The following MBP variants were observed in gnomAD, a reference collection of about 807,000 sequenced individuals.
The protein encoded by MBP is myelin basic protein.
Under a neutral mutation model 35.8 loss-of-function variants are expected in MBP, and 16 were observed. That is an observed-to-expected ratio of 0.45 (90% CI 0.30 to 0.68). The LOEUF is 0.68. Among genes scored for constraint, MBP ranks in the 30% least tolerant of loss-of-function variants. The pLI, the probability that MBP is intolerant of heterozygous loss-of-function variation, is 0.08. For synonymous variants in MBP, 143 were observed against 159.6 expected, an observed-to-expected ratio of 0.90 and a Z score of 0.78; for missense variants, 380 against 404.7, an observed-to-expected ratio of 0.94 and a Z score of 0.52.
chr18:77,024,127 C>A (rs1160100272), intron 3 of MBP, among the ~76,000 whole-genome samples: 2 of 152,254 alleles, frequency 1.3e-5, no homozygotes, highest in African/African-American at 4.8e-5. Context: ...TCAGCCTCTA[C>A]ACCCATGGTC....
At chr18:77,100,511 GTGTGT>G (rs1975957663) in intron 2 of MBP, among the ~76,000 whole-genome samples, 6 of 52,328 alleles carry the variant, frequency 1.1e-4, no homozygotes, top group East Asian at 1.9e-3. Context: ...AATTTGGGGT[GTGTGT>G]GTGTGTGTGT....
rs1388095396 is a variant in MBP at position 77,068,363 on chromosome 18, A to G, written c.52-1978T>C. 3.9e-5 allele frequency among the ~76,000 whole-genome samples: 6 copies of G among 152,160 alleles called. No homozygotes were observed. In the South Asian group the frequency reaches 1.2e-3, roughly 32 times the overall value. On this transcript the variant is annotated intron_variant, in intron 2 of 8. Transcript: ENST00000355994. Reference sequence around the variant, plus strand: ...CTTCTGAGCAATCAGGAGAGGTAACAGCCCAACTTCCAAGCAGGCCAGGTT... The same window carrying G: ...CTTCTGAGCAATCAGGAGAGGTAACGGCCCAACTTCCAAGCAGGCCAGGTT...
chr18:77,078,061 AGCCCCAGCAGCTGAAG>A (rs1004389773), intron 2 of MBP, among the ~76,000 whole-genome samples: 8 of 152,168 alleles, frequency 5.3e-5, no homozygotes, highest in Non-Finnish European at 8.8e-5. Flanking sequence ...CTTATCTCCC[AGCCCCAGCAGCTGAAG>A]GACAGTCACC....
At chr18:77,016,717 C>G (rs1971661991) in intron 4 of MBP, 115 bp downstream of exon 4, 2 of 1,489,142 alleles carry the variant, frequency 1.3e-6, no homozygotes, top group South Asian at 2.7e-5. Flanking sequence ...CGGAACGAGA[C>G]CTTAGACAGC....
At chr18:77,005,581 C>G (rs1419040257) in intron 4 of MBP, 1 of 152,282 alleles carries the variant, frequency 6.6e-6, no homozygotes, top group African/African-American at 2.4e-5. Context: ...GCTGCCCCAA[C>G]CATGGGGCTT....
rs1453865213 is a variant in MBP at position 77,044,714 on chromosome 18, GC to G, written c.139+21583del. On this transcript the variant is annotated intron_variant, in intron 3 of 8. Transcript: ENST00000355994. This position sits in a 1 kb window ranked among gnomAD's most constrained non-coding sequence, Gnocchi z 4.4. ...GAATAAACAAAGTCAGATCTGAAAT[GC>G]TTAAAAGCAAATTAAACTTAACTCA... is the stretch of plus-strand genomic sequence containing the variant. 6.6e-6 allele frequency among the ~76,000 whole-genome samples: 1 copy of G among 152,178 alleles called. No homozygotes were observed. Among genetic ancestry groups the G allele is most frequent in the Non-Finnish European group, 1.5e-5 (1 of 68,040 alleles).
chr18:77,033,417 T>G (rs1972613326), intron 3 of MBP, among the ~76,000 whole-genome samples: 2 of 152,198 alleles, frequency 1.3e-5, no homozygotes, highest in Non-Finnish European at 2.9e-5. Flanking sequence ...GCGCTTGCAG[T>G]GCATGTCATA....
At chr18:77,012,483 G>C (rs1483295114) in intron 4 of MBP, among the ~76,000 whole-genome samples, 1 of 152,256 alleles carries the variant, frequency 6.6e-6, no homozygotes, top group Non-Finnish European at 1.5e-5. Flanking sequence ...ACACCGAACT[G>C]TCAGGGGAGA....
At chr18:77,103,686 C>T (rs1976139345) in intron 2 of MBP, among the ~76,000 whole-genome samples, 1 of 152,214 alleles carries the variant, frequency 6.6e-6, no homozygotes, top group Admixed American at 6.5e-5. Context: ...GGCAGGCTTA[C>T]TCCTCACAGT....
At chr18:77,114,151 T>C (rs1976570841) in intron 1 of MBP, 1 of 152,266 alleles carries the variant, frequency 6.6e-6, no homozygotes, top group African/African-American at 2.4e-5. Flanking sequence ...GTCATCACCA[T>C]CCTTCGTTTT....
chr18:77,053,023 G>C (rs550689443), intron 3 of MBP, among the ~76,000 whole-genome samples: 2 of 152,316 alleles, frequency 1.3e-5, no homozygotes, highest in South Asian at 4.1e-4. Context: ...TGAAAAAGGG[G>C]AACTTTTAGT....
At position 77,131,060 on chromosome 18, in the gene MBP, AAC is replaced by A. The variant is rs371361297; in HGVS notation, c.-26+1518_-26+1519del. Reference sequence around the variant, plus strand: ...AAAAAAACAAAACCTCAAAAAACAAAACACACACACGCGCGCACGCACGCGCA... The same window carrying A: ...AAAAAAACAAAACCTCAAAAAACAAAACACACACGCGCGCACGCACGCGCA... On this transcript the variant is annotated intron_variant, in intron 1 of 8. Transcript: ENST00000355994. This position sits in a 1 kb window ranked among gnomAD's most constrained non-coding sequence, Gnocchi z 5.5. Among the ~76,000 whole-genome samples, 16 of 120,190 alleles carry A rather than the reference AAC, an allele frequency of 1.3e-4. No individual in the cohort carries two copies. The highest frequency in any genetic ancestry group is 4.7e-4 in the African/African-American group (12 of 25,448). The allele number at this position is 120,190 out of a possible 152,430, so 78.8% of individuals were successfully genotyped here. A position where few individuals can be genotyped will look rare whatever the true frequency, so the allele number is the denominator to read the frequency against.
intron 8 of MBP, 126 bp from the exon 9 acceptor site, chr18:76,980,597 T>C: frequency 1.4e-6 from 1 of 722,414 alleles, no homozygotes; most frequent in Non-Finnish European, 2.5e-6. Flanking sequence ...CTAATAGAAA[T>C]GGCACCCCGG....
At chr18:77,030,302 A>G (rs1827530157) in intron 3 of MBP, among the ~76,000 whole-genome samples, 1 of 152,210 alleles carries the variant, frequency 6.6e-6, no homozygotes, top group Non-Finnish European at 1.5e-5. Context: ...AAGGAGACCC[A>G]AGAGCCCATG....
intron 4 of MBP, chr18:77,006,264 G>A (rs1183730346): frequency 6.6e-6 from 1 of 152,402 alleles, no homozygotes; most frequent in East Asian, 1.9e-4. Flanking sequence ...AGGCAGAAAG[G>A]ACGTCCGAGG....
chr18:77,068,124 T>G (rs1974280138), intron 2 of MBP, among the ~76,000 whole-genome samples: 1 of 152,114 alleles, frequency 6.6e-6, no homozygotes, highest in South Asian at 2.1e-4. Context: ...GTTTACGGCA[T>G]TGTTTCTACA....
chr18:77,092,706 A>C (rs887601053), intron 2 of MBP, among the ~76,000 whole-genome samples: 1 of 152,180 alleles, frequency 6.6e-6, no homozygotes, highest in African/African-American at 2.4e-5. Context: ...TCAGTGAAGG[A>C]AGAAATAAGG....
At chr18:77,109,355 G>C (rs944773970) in intron 1 of MBP, 5 of 152,228 alleles carry the variant, frequency 3.3e-5, no homozygotes, top group Admixed American at 1.3e-4. Context: ...GAAGCACAGG[G>C]GAAATGCAAC....
chr18:76,984,913 G>C lies in MBP; in HGVS notation c.751-19C>G. ...CGGCCCCCTGCAAGAGAAGACCACG[G>C]AGCTCAACCTCCACCCGCGGTGCTG... On this transcript the variant is annotated intron_variant, in intron 7 of 8. Transcript: ENST00000355994. The C allele has an allele frequency of 6.2e-7, 1 of 1,611,862 alleles. No homozygotes were observed. Among genetic ancestry groups the C allele is most frequent in the South Asian group, 1.1e-5 (1 of 91,022 alleles).
Sources: gnomAD v4.1 joint callset for allele counts (sites outside exome capture counted in the v4.1 genomes callset) on GRCh38, gnomAD v4.1.1 for gene constraint, Gnocchi (gnomAD v3.1) non-coding constraint, MANE v1.5 for transcripts, NCBI Gene and HGNC (gene_info 2026-07-23, HGNC 2026-07-21) for gene names.